The following SORCS1 variants were observed in gnomAD, a reference collection of about 807,000 sequenced individuals.
SORCS1 encodes the protein VPS10 domain-containing receptor SorCS1.
A neutral mutation model predicts 146.1 loss-of-function variants in SORCS1; 60 were observed. The ratio of observed to expected loss-of-function variants is 0.41; its 90% CI spans 0.33 to 0.51. SORCS1 has a LOEUF of 0.51. Among genes scored for constraint, SORCS1 ranks in the 20% least tolerant of loss-of-function variants. The pLI is 0.21. For synonymous variants in SORCS1, 637 were observed against 584.0 expected, an observed-to-expected ratio of 1.09 and a Z score of -1.31; for missense variants, 1,352 against 1,487.6, an observed-to-expected ratio of 0.91 and a Z score of 1.50.
chr10:107,054,047 C>G (rs1007320597), intron 1 of SORCS1, among the ~76,000 whole-genome samples: 7 of 152,248 alleles, frequency 4.6e-5, no homozygotes, highest in South Asian at 4.1e-4. Flanking sequence ...TAGGACCCAA[C>G]TATGAGAATT....
intron 2 of SORCS1, among the ~76,000 whole-genome samples, chr10:106,936,334 C>A (rs1452781995): frequency 6.6e-6 from 1 of 152,148 alleles, no homozygotes; most frequent in Non-Finnish European, 1.5e-5. Flanking sequence ...TTCCCAGAAA[C>A]AGCACAAAAC....
intron 1 of SORCS1, among the ~76,000 whole-genome samples, chr10:107,144,242 A>G (rs913222385): frequency 2.0e-5 from 3 of 152,172 alleles, no homozygotes; most frequent in Non-Finnish European, 4.4e-5. Flanking sequence ...TCCTTTGCAC[A>G]TACCAAATTA....
At chr10:107,107,466 A>C (rs1413571266) in intron 1 of SORCS1, among the ~76,000 whole-genome samples, 1 of 152,230 alleles carries the variant, frequency 6.6e-6, no homozygotes, top group Non-Finnish European at 1.5e-5. Flanking sequence ...GAGCAAGGCA[A>C]TCGGATACTA....
In SORCS1 at chr10:106,605,656, T is replaced by C. The variant is rs371218281; in HGVS notation, c.3165+1510A>G. On this transcript the variant is annotated intron_variant, in intron 23 of 25. Transcript: ENST00000263054. ...AGTGCAGATAATAATTTGTAGAGTA[T>C]GATGGGAAGCTGAGGTGGGGAGTGA... is the stretch of plus-strand genomic sequence containing the variant. Among the ~76,000 whole-genome samples the C allele has an allele frequency of 4.6e-5, 7 of 152,158 alleles. No homozygotes were observed. In the East Asian group the frequency reaches 1.2e-3, roughly 25 times the overall value.
At chr10:106,629,172 G>C (rs1411186229) in intron 19 of SORCS1, 30 bp downstream of exon 19, 4 of 1,582,322 alleles carry the variant, frequency 2.5e-6, no homozygotes, top group Admixed American at 3.4e-5. Flanking sequence ...ATTTAAGATA[G>C]GTCATAAACC....
At chr10:106,618,824 T>C (rs1026365551) in intron 20 of SORCS1, among the ~76,000 whole-genome samples, 3 of 152,150 alleles carry the variant, frequency 2.0e-5, no homozygotes, top group Non-Finnish European at 4.4e-5. Context: ...ATCAGCAGTT[T>C]CCTGGAAGTA....
At chr10:106,980,210 T>C (rs888060337) in intron 1 of SORCS1, among the ~76,000 whole-genome samples, 20 of 152,334 alleles carry the variant, frequency 1.3e-4, no homozygotes, top group African/African-American at 4.6e-4. Flanking sequence ...GGCCAATGTG[T>C]CTAACCATTT....
At chr10:106,951,580 A>ACACCTTCC (rs906183583) in intron 2 of SORCS1, among the ~76,000 whole-genome samples, 4 of 151,878 alleles carry the variant, frequency 2.6e-5, no homozygotes, top group African/African-American at 4.8e-5. Context: ...AGGTACACAC[A>ACACCTTCC]CACCTTCCCC....
chr10:106,647,389 T>TACACACACACACACACACACAC (rs3044913), intron 18 of SORCS1, among the ~76,000 whole-genome samples: 12 of 147,420 alleles, frequency 8.1e-5, no homozygotes, highest in East Asian at 4.0e-4. Context: ...TTATAAATTT[T>TACACACACACACACACACACAC]ACACACACAC....
intron 1 of SORCS1, among the ~76,000 whole-genome samples, chr10:107,029,566 T>G (rs1231118489): frequency 6.6e-6 from 1 of 152,208 alleles, no homozygotes; most frequent in Non-Finnish European, 1.5e-5. Context: ...CCACTTCATT[T>G]TAATCCTATT....
At chr10:106,915,534 C>G (rs1952379053) in intron 2 of SORCS1, among the ~76,000 whole-genome samples, 1 of 152,138 alleles carries the variant, frequency 6.6e-6, no homozygotes, top group Non-Finnish European at 1.5e-5. Flanking sequence ...TGTGTGGTCT[C>G]ATTTCACACC....
chr10:106,612,389 C>T (rs1847063389), intron 21 of SORCS1, among the ~76,000 whole-genome samples: 2 of 126,334 alleles, frequency 1.6e-5, no homozygotes, highest in Admixed American at 1.7e-4. Flanking sequence ...CCCTTTTCTC[C>T]CCCTCCCGCC....
chr10:106,771,555 G>C lies in SORCS1; in HGVS notation c.885+4979C>G, dbSNP rs369829707. ...TTTTTTTAAATGGGTAGAATGCTTG[G>C]TTTGCCTACTGTTTAAATTATAGAA... is the stretch of plus-strand genomic sequence containing the variant. On this transcript the variant is annotated intron_variant, in intron 4 of 25. Coordinates refer to ENST00000263054, the MANE Select transcript of SORCS1 (RefSeq NM_052918.5). Among the ~76,000 whole-genome samples the C allele has an allele frequency of 7.2e-5, 11 of 152,188 alleles. No homozygotes were observed. In the East Asian group the frequency reaches 1.2e-3, roughly 16 times the overall value.
At position 107,074,165 on chromosome 10, in the gene SORCS1, C is replaced by T. The variant is rs150998239; in HGVS notation, c.558+89804G>A. Reference sequence around the variant, plus strand: ...TATAACATACGAAGTAGTTTCAGTGCTCTAAGAATCATCTGTGCTCCACCT... The same window carrying T: ...TATAACATACGAAGTAGTTTCAGTGTTCTAAGAATCATCTGTGCTCCACCT... On this transcript the variant is annotated intron_variant, in intron 1 of 25. Coordinates refer to ENST00000263054, the MANE Select transcript of SORCS1 (RefSeq NM_052918.5). 1.6e-3 allele frequency among the ~76,000 whole-genome samples: 249 copies of T among 152,266 alleles called. 2 individuals are homozygous for T. The highest frequency in any genetic ancestry group is 5.1e-3 in the African/African-American group (214 of 41,556).
At chr10:107,014,377 G>A (rs543999934) in intron 1 of SORCS1, among the ~76,000 whole-genome samples, 2 of 152,126 alleles carry the variant, frequency 1.3e-5, no homozygotes, top group South Asian at 4.2e-4. Flanking sequence ...AGTGTTGCAG[G>A]GCATCAGCCC....
rs1004689517 is a variant in SORCS1, at chr10:106,822,423, G to C, written c.726+7151C>G. On this transcript the variant is annotated intron_variant, in intron 3 of 25. Transcript: ENST00000263054. ...GGAGTGACAAGGGGTTGTGGAGTGG[G>C]CACTGCTCCTGGCACTCCAACCCTG... Among the ~76,000 whole-genome samples, 3 of 152,244 alleles carry C rather than the reference G, an allele frequency of 2.0e-5. No homozygotes were observed. The East Asian group carries it at 5.8e-4, about 29-fold the overall frequency.
intron 3 of SORCS1, among the ~76,000 whole-genome samples, chr10:106,810,322 C>G (rs186873560): frequency 1.5e-3 from 225 of 152,332 alleles, no homozygotes; most frequent in African/African-American, 5.2e-3. Context: ...ATAACCCCCT[C>G]TTCACTCATC....
At chr10:107,048,530 A>G (rs957428454) in intron 1 of SORCS1, among the ~76,000 whole-genome samples, 2 of 152,228 alleles carry the variant, frequency 1.3e-5, no homozygotes, top group Admixed American at 6.5e-5. Context: ...GGACTTTTCC[A>G]GGGATGTGAT....
At chr10:106,803,660 G>A (rs1564676773) in intron 3 of SORCS1, among the ~76,000 whole-genome samples, 4 of 152,078 alleles carry the variant, frequency 2.6e-5, no homozygotes, top group African/African-American at 7.2e-5. Flanking sequence ...CTTATATATT[G>A]TTTATTGACT....
Sources: gnomAD v4.1 joint callset for allele counts (sites outside exome capture counted in the v4.1 genomes callset) on GRCh38, gnomAD v4.1.1 for gene constraint, MANE v1.5 for transcripts, NCBI Gene and HGNC (gene_info 2026-07-23, HGNC 2026-07-21) for gene names.